GABRA3: variants seen among roughly 807,000 people sequenced by gnomAD.
GABRA3 encodes gamma-aminobutyric acid receptor subunit alpha-3.
Under a neutral mutation model 30.1 loss-of-function variants are expected in GABRA3, and 10 were observed. The ratio of observed to expected loss-of-function variants is 0.33; its 90% CI spans 0.20 to 0.56. The LOEUF is 0.56. Among genes scored for constraint, GABRA3 ranks in the 20% least tolerant of loss-of-function variants. The pLI is 0.89. For synonymous variants in GABRA3, 151 were observed against 146.8 expected (o/e 1.03, Z -0.21); for missense variants, 233 against 392.0 (o/e 0.59, Z 3.42).
At chrX:152,326,933 A>G (rs1451565334) in intron 3 of GABRA3, among the ~76,000 whole-genome samples, 3 of 110,697 alleles carry the variant, frequency 2.7e-5, no homozygotes, top group Non-Finnish European at 5.7e-5. Context: ...ATCTAGACCC[A>G]TCAGTGTGCT....
chrX:152,395,048 A>T (rs981656185), intron 1 of GABRA3, among the ~76,000 whole-genome samples: 1 of 111,229 alleles, frequency 9.0e-6, no homozygotes, highest in African/African-American at 3.3e-5. Context: ...TAGATATGGT[A>T]TGTAATCAAA....
chrX:152,326,823 A>C (rs1940068019), intron 3 of GABRA3, among the ~76,000 whole-genome samples: 1 of 111,569 alleles, frequency 9.0e-6, no homozygotes, highest in Non-Finnish European at 1.9e-5. Flanking sequence ...AGCTAACATC[A>C]TAATGACAGG....
chrX:152,295,674 C>T (rs1939516597), intron 3 of GABRA3, among the ~76,000 whole-genome samples: 1 of 112,536 alleles, frequency 8.9e-6, no homozygotes, highest in Admixed American at 9.4e-5. Context: ...ATGCTCCGCC[C>T]TGTTTCGGGT....
intron 7 of GABRA3, among the ~76,000 whole-genome samples, chrX:152,198,796 T>G (rs1355558062): frequency 8.9e-6 from 1 of 112,277 alleles, no homozygotes; most frequent in Non-Finnish European, 1.9e-5. Context: ...CTTTAATACC[T>G]TAAACTCTAA....
intron 2 of GABRA3, among the ~76,000 whole-genome samples, chrX:152,345,970 A>G (rs1940386269): frequency 9.0e-6 from 1 of 111,601 alleles, no homozygotes; most frequent in Non-Finnish European, 1.9e-5. Context: ...CAGTAAAGAG[A>G]CACAAGTAGA....
chrX:152,299,071 C>T (rs1939585009), intron 3 of GABRA3, among the ~76,000 whole-genome samples: 1 of 111,420 alleles, frequency 9.0e-6, no homozygotes, highest in African/African-American at 3.3e-5. Flanking sequence ...ATGGAACAGG[C>T]AACTTTACAT....
At chrX:152,383,630 C>A (rs1204040059) in intron 1 of GABRA3, among the ~76,000 whole-genome samples, 3 of 107,689 alleles carry the variant, frequency 2.8e-5, no homozygotes, top group Non-Finnish European at 5.8e-5. Flanking sequence ...AGGGTAAAAT[C>A]CCTACGATCA....
At chrX:152,237,692 T>C in intron 5 of GABRA3, among the ~76,000 whole-genome samples, 1 of 105,510 alleles carries the variant, frequency 9.5e-6, no homozygotes, top group South Asian at 4.3e-4. Context: ...TGGTTCTCCT[T>C]GAAGAGGTCC....
In GABRA3 at chrX:152,168,412, G is replaced by A. The variant is rs923679331; in HGVS notation, c.1295C>T (p.Ala432Val). The change falls in exon 10 of 10, where the codon GCT becomes GTT. Residue 432 changes from alanine (A) to valine (V), a missense_variant. Transcript: ENST00000370314. ...CTGCACGTAGGTGGCCTTGGGTGAA[G>A]CAATGATTGTTGGGGTTGAGGAGGC... Reference protein sequence around the residue: ...PSASSTPTIIASPKATYVQDS... With the variant: ...PSASSTPTIIVSPKATYVQDS... 3 of 1,210,435 alleles carry A rather than the reference G, an allele frequency of 2.5e-6. No homozygotes were observed. In the African/African-American group the frequency reaches 5.2e-5, roughly 21 times the overall value.
rs1174770495 is a variant in GABRA3 at position 152,300,892 on chromosome X, T to C, written c.263-16157A>G. ...GCCTTATTGGATAATAGGATAAGGT[T>C]TCACATACAGAGCACTGTAGTTCCA... is the stretch of plus-strand genomic sequence containing the variant. On this transcript the variant is annotated intron_variant, in intron 3 of 9. Coordinates refer to ENST00000370314, the MANE Select transcript of GABRA3 (RefSeq NM_000808.4). Among the ~76,000 whole-genome samples, 6 of 111,469 alleles carry C rather than the reference T, an allele frequency of 5.4e-5. No homozygotes were observed. The East Asian group carries it at 1.7e-3, about 31-fold the overall frequency.
Position 152,176,554 on chromosome X carries a change from A to C in GABRA3, c.1144-7991T>G, listed in dbSNP as rs142352178. On this transcript the variant is annotated intron_variant, in intron 9 of 9. Coordinates refer to ENST00000370314, the MANE Select transcript of GABRA3 (RefSeq NM_000808.4). ...GGCAGGTAAGAAAAATAAAAGAATTAAGAATGGATTCCAGGTTTTTGGCCT... is the reference window on the plus strand; with the variant it reads ...GGCAGGTAAGAAAAATAAAAGAATTCAGAATGGATTCCAGGTTTTTGGCCT... Among the ~76,000 whole-genome samples, 27 of 111,487 alleles carry C rather than the reference A, an allele frequency of 2.4e-4. No homozygotes were observed. The East Asian group carries it at 7.3e-3, about 30-fold the overall frequency.
chrX:152,186,240 C>T (rs377410548), intron 9 of GABRA3, among the ~76,000 whole-genome samples: 9 of 109,525 alleles, frequency 8.2e-5, no homozygotes, highest in African/African-American at 2.0e-4. Context: ...ATTTAGAGAC[C>T]GAGTCTCTGT....
intron 3 of GABRA3, among the ~76,000 whole-genome samples, chrX:152,299,832 C>T (rs1939598284): frequency 1.8e-5 from 2 of 111,456 alleles, no homozygotes; most frequent in Admixed American, 1.9e-4. Flanking sequence ...AATAAATTTC[C>T]TGTATGTTAT....
intron 3 of GABRA3, among the ~76,000 whole-genome samples, chrX:152,324,652 T>A (rs929334299): frequency 1.8e-5 from 2 of 111,871 alleles, no homozygotes; most frequent in African/African-American, 6.5e-5. Flanking sequence ...CTTAAATAAT[T>A]ATACTAAAAA....
chrX:152,199,791 G>GCT (rs765843216), intron 7 of GABRA3, among the ~76,000 whole-genome samples: 3 of 109,355 alleles, frequency 2.7e-5, no homozygotes, highest in African/African-American at 1.0e-4. Flanking sequence ...GTGTTCTGTT[G>GCT]CTCTCTCTCT....
chrX:152,315,595 C>T (rs1341548460), intron 3 of GABRA3, among the ~76,000 whole-genome samples: 2 of 111,300 alleles, frequency 1.8e-5, no homozygotes, highest in Non-Finnish European at 3.8e-5. Context: ...AAGCTGGTAG[C>T]CTGAGACAAG....
At chrX:152,329,057 C>T (rs1381478608) in intron 3 of GABRA3, among the ~76,000 whole-genome samples, 6 of 111,696 alleles carry the variant, frequency 5.4e-5, no homozygotes, top group Middle Eastern at 4.7e-3. Context: ...ACACCAATAA[C>T]GGACAGAGAG....
chrX:152,316,201 A>AATG (rs1180421365), intron 3 of GABRA3, among the ~76,000 whole-genome samples: 3 of 110,395 alleles, frequency 2.7e-5, no homozygotes, highest in African/African-American at 9.9e-5. Flanking sequence ...GACTTAGAGA[A>AATG]ATGCAAACTG....
At chrX:152,283,769 A>T (rs1939239208) in intron 4 of GABRA3, among the ~76,000 whole-genome samples, 1 of 112,184 alleles carries the variant, frequency 8.9e-6, no homozygotes. Context: ...AGTCCCACTG[A>T]AAATAGACAC....
Sources: gnomAD v4.1 joint callset for allele counts (sites outside exome capture counted in the v4.1 genomes callset) on GRCh38, gnomAD v4.1.1 for gene constraint, MANE v1.5 for transcripts, NCBI Gene and HGNC (gene_info 2026-07-23, HGNC 2026-07-21) for gene names.